The following NACC2 variants were observed in gnomAD, a reference collection of about 807,000 sequenced individuals.
The protein encoded by NACC2 is nucleus accumbens-associated protein 2.
NACC2 carries 8 observed loss-of-function variants against 25.1 expected under a neutral mutation model. The ratio of observed to expected loss-of-function variants is 0.32; its 90% CI spans 0.19 to 0.57. The LOEUF is 0.57. Among genes scored for constraint, NACC2 ranks in the 20% least tolerant of loss-of-function variants. The pLI, the probability that NACC2 is intolerant of heterozygous loss-of-function variation, is 0.89. For missense variants in NACC2, 644 were observed against 650.2 expected, an observed-to-expected ratio of 0.99 and a Z score of 0.10; for synonymous variants, 435 against 294.7, an observed-to-expected ratio of 1.48 and a Z score of -4.88.
chr9:136,062,629 T>C (rs1320016056), intron 1 of NACC2, among the ~76,000 whole-genome samples: 1 of 152,240 alleles, frequency 6.6e-6, no homozygotes, highest in African/African-American at 2.4e-5. Context: ...CTAAAAATTA[T>C]ACAGGCTGGG....
chr9:136,073,670 T>TC (rs554233290), intron 1 of NACC2, among the ~76,000 whole-genome samples: 139 of 152,300 alleles, frequency 9.1e-4, no homozygotes, highest in African/African-American at 3.1e-3. Flanking sequence ...CGACTTGATT[T>TC]CCCTCGGTTC....
In NACC2 at chr9:136,086,498, G is replaced by A. The variant is rs954112658; in HGVS notation, c.-60+8691C>T. Among the ~76,000 whole-genome samples, 2 of 152,022 alleles carry A rather than the reference G, an allele frequency of 1.3e-5. No individual in the cohort carries two copies. The highest frequency in any genetic ancestry group is 1.9e-4 in the East Asian group (1 of 5,170). On this transcript the variant is annotated intron_variant, in intron 1 of 5. Transcript: ENST00000277554. The surrounding 1 kb of genome is among the most constrained non-coding windows in gnomAD (Gnocchi z 5.6). The stretch of plus-strand genomic sequence containing the variant: ...GCTTGGTGTGGGCCCCAGGGACGTC[G>A]CATGCCCCCAGCTTCCCGACAGCCA...
Position 136,075,003 on chromosome 9 carries a change from G to A in NACC2, c.-60+20186C>T, listed in dbSNP as rs540265549. On this transcript the variant is annotated intron_variant, in intron 1 of 5. Coordinates refer to ENST00000277554, the MANE Select transcript of NACC2 (RefSeq NM_144653.5). ...GTATGGGGCTGGGGGAACAGCAATCGGATCCTCACGAAACAGTGACGTGAG... is the reference window on the plus strand; with the variant it reads ...GTATGGGGCTGGGGGAACAGCAATCAGATCCTCACGAAACAGTGACGTGAG... Among the ~76,000 whole-genome samples, 247 of 152,248 alleles carry A rather than the reference G, an allele frequency of 1.6e-3. 1 individual carries two copies. Among genetic ancestry groups the A allele is most frequent in the Non-Finnish European group, 2.7e-3 (185 of 68,012 alleles).
At position 136,055,747 on chromosome 9, in the gene NACC2, G is replaced by A. The variant is rs1840914511; in HGVS notation, c.-59-5167C>T. ...CACAGCCATTAAACACGTGGTAGAGGAAGGAGAGAGGCGGGGCACGGGAAA... is the reference window on the plus strand; with the variant it reads ...CACAGCCATTAAACACGTGGTAGAGAAAGGAGAGAGGCGGGGCACGGGAAA... On this transcript the variant is annotated intron_variant, in intron 1 of 5. Transcript: ENST00000277554. This position sits in a 1 kb window ranked among gnomAD's most constrained non-coding sequence, Gnocchi z 4.9. 6.6e-6 allele frequency among the ~76,000 whole-genome samples: 1 copy of A among 152,230 alleles called. No individual in the cohort carries two copies. Among genetic ancestry groups the A allele is most frequent in the African/African-American group, 2.4e-5 (1 of 41,452 alleles).
chr9:136,016,195 T>C, intron 3 of NACC2, 70 bp downstream of exon 3: 2 of 1,543,780 alleles, frequency 1.3e-6, no homozygotes, highest in Non-Finnish European at 1.8e-6. Flanking sequence ...TGTTCAGAGC[T>C]CTCCAATAAA....
chr9:136,059,313 G>C (rs1353658384), intron 1 of NACC2, among the ~76,000 whole-genome samples: 1 of 152,188 alleles, frequency 6.6e-6, no homozygotes, highest in Non-Finnish European at 1.5e-5. Flanking sequence ...AGCCATGCTT[G>C]GTGTCCAGAT....
At chr9:136,059,783 G>A (rs1840982592) in intron 1 of NACC2, among the ~76,000 whole-genome samples, 1 of 152,198 alleles carries the variant, frequency 6.6e-6, no homozygotes. Context: ...GTATCCGTGT[G>A]GCCCATGAGC....
chr9:136,070,009 C>A (rs988163502), intron 1 of NACC2, among the ~76,000 whole-genome samples: 1 of 151,876 alleles, frequency 6.6e-6, no homozygotes, highest in Admixed American at 6.5e-5. Context: ...GTTCTTTTCA[C>A]GTGCCTGTGG....
chr9:136,023,611 A>G (rs1165100037), intron 2 of NACC2, among the ~76,000 whole-genome samples: 1 of 152,194 alleles, frequency 6.6e-6, no homozygotes, highest in Non-Finnish European at 1.5e-5. Flanking sequence ...GGCCTCCGAC[A>G]GGGATCCCAG....
chr9:136,049,919 C>A lies in NACC2; in HGVS notation c.603G>T (p.Val201=). 1.7e-6 allele frequency: 1 copy of A among 579,722 alleles called. No individual in the cohort carries two copies. The highest frequency in any genetic ancestry group is 3.1e-5 in the East Asian group (1 of 31,862). 35.9% of individuals were successfully genotyped at this position (579,722 alleles called of 1,614,324 possible). Residue 201 remains valine (V), a synonymous_variant, in exon 2 of 6, where the codon GTG becomes GTT. Transcript: ENST00000277554. ...CCACCGCAGCCCCCGCGGCCACCGC[C>A]ACGCCGTCCCGGGGCCCCGTCTCCA... ...RPLETGPRDG[V]AVAAGAAVAA... is the part of the protein sequence containing the mutation.
intron 1 of NACC2, among the ~76,000 whole-genome samples, chr9:136,076,159 G>T (rs1051299899): frequency 6.6e-6 from 1 of 152,224 alleles, no homozygotes; most frequent in Admixed American, 6.5e-5. Context: ...GACATCCTAA[G>T]TCTCCTATAT....
At chr9:136,085,137 A>G (rs1229702983) in intron 1 of NACC2, among the ~76,000 whole-genome samples, 2 of 82,790 alleles carry the variant, frequency 2.4e-5, no homozygotes, top group South Asian at 1.1e-3. Context: ...CATTTCTACA[A>G]TTTTTTTTTT....
In NACC2 at chr9:136,078,803, C is replaced by A. The variant is rs562397527; in HGVS notation, c.-60+16386G>T. 1.8e-4 allele frequency among the ~76,000 whole-genome samples: 28 copies of A among 152,348 alleles called. No homozygotes were observed. In the South Asian group the frequency reaches 4.6e-3, roughly 25 times the overall value. On this transcript the variant is annotated intron_variant, in intron 1 of 5. Coordinates refer to ENST00000277554, the MANE Select transcript of NACC2 (RefSeq NM_144653.5). ...GCCGCATCCTGGTCCCCAGTAAGCACCCCCAGCGTGGTCCCCTCCAGGAAC... is the reference window on the plus strand; with the variant it reads ...GCCGCATCCTGGTCCCCAGTAAGCAACCCCAGCGTGGTCCCCTCCAGGAAC...
intron 1 of NACC2, among the ~76,000 whole-genome samples, chr9:136,064,803 T>C (rs546214369): frequency 7.2e-5 from 11 of 152,350 alleles, no homozygotes; most frequent in African/African-American, 2.4e-4. Flanking sequence ...GCAGTCATAC[T>C]TCCCAATTTC....
chr9:136,034,418 G>C (rs1181151196), intron 2 of NACC2, among the ~76,000 whole-genome samples: 4 of 151,960 alleles, frequency 2.6e-5, no homozygotes, highest in Non-Finnish European at 4.4e-5. Context: ...AAGAACCCCA[G>C]AGTGTTGATT....
rs10745379 is a variant in NACC2, at chr9:136,019,638, G to A, written c.887-3209C>T. On this transcript the variant is annotated intron_variant, in intron 2 of 5. Coordinates refer to ENST00000277554, the MANE Select transcript of NACC2 (RefSeq NM_144653.5). The surrounding 1 kb of genome is among the most constrained non-coding windows in gnomAD (Gnocchi z 5.2). The stretch of plus-strand genomic sequence containing the variant: ...CACAGGGAAGGTGCACCAGGGTCAC[G>A]ACGAGAGGGCCCGGAGCAGCAGCCT... 0.47 allele frequency among the ~76,000 whole-genome samples: 71,824 copies of A among 152,056 alleles called. 17,630 individuals carry two copies. Among genetic ancestry groups the A allele is most frequent in the African/African-American group, 0.6 (24,978 of 41,476 alleles).
intron 2 of NACC2, among the ~76,000 whole-genome samples, chr9:136,023,458 ACTCCTGGCCAGTGCC>A (rs1840328890): frequency 6.6e-6 from 1 of 151,004 alleles, no homozygotes; most frequent in Admixed American, 6.6e-5. Flanking sequence ...CCCCACCCAC[ACTCCTGGCCAGTGCC>A]CTCCTTAGAG....
chr9:136,042,066 ATAAC>A (rs1404122311), intron 2 of NACC2, among the ~76,000 whole-genome samples: 2 of 152,034 alleles, frequency 1.3e-5, no homozygotes, highest in Non-Finnish European at 2.9e-5. Flanking sequence ...TTGGCTCACT[ATAAC>A]CTCCACCTCC....
In NACC2 at chr9:136,011,588, G is replaced by C. The variant is rs750973982; in HGVS notation, c.1692C>G (p.Gly564=). Residue 564 remains glycine (G), a synonymous_variant, in exon 6 of 6, where the codon GGC becomes GGG. Coordinates refer to ENST00000277554, the MANE Select transcript of NACC2 (RefSeq NM_144653.5). ...CCGGCGTCTGGGGCCTGCTGGGGCC[G>C]CCCCCGCCCTGCTCAAAGGGCTGTG... ...SPPQPFEQGG[G]GPSRPQTPAA... is the part of the protein sequence containing the mutation. 1 of 1,396,968 alleles carries C rather than the reference G, an allele frequency of 7.2e-7. No individual in the cohort carries two copies. Among genetic ancestry groups the C allele is most frequent in the East Asian group, 2.8e-5 (1 of 35,860 alleles). The allele number at this position is 1,396,968 out of a possible 1,614,324, so 86.5% of individuals were successfully genotyped here.
Sources: gnomAD v4.1 joint callset for allele counts (sites outside exome capture counted in the v4.1 genomes callset) on GRCh38, gnomAD v4.1.1 for gene constraint, Gnocchi (gnomAD v3.1) non-coding constraint, MANE v1.5 for transcripts, NCBI Gene and HGNC (gene_info 2026-07-23, HGNC 2026-07-21) for gene names.